Variants in DGKI observed in about 807,000 individuals in gnomAD.
DGKI encodes DAG kinase iota.
DGKI carries 55 observed loss-of-function variants against 147.5 expected under a neutral mutation model. That is an observed-to-expected ratio of 0.37 (90% CI 0.30 to 0.47). The LOEUF (loss-of-function observed/expected upper bound fraction) is 0.47, where lower values mean the gene tolerates loss of function less well. Among genes scored for constraint, DGKI ranks in the 20% least tolerant of loss-of-function variants. The pLI, the probability that DGKI is intolerant of heterozygous loss-of-function variation, is 1.00. For missense variants in DGKI, 1,007 were observed against 1,323.8 expected, an observed-to-expected ratio of 0.76 and a Z score of 3.71; for synonymous variants, 469 against 477.1, an observed-to-expected ratio of 0.98 and a Z score of 0.22.
At chr7:137,489,425 C>T (rs990814724) in intron 21 of DGKI, among the ~76,000 whole-genome samples, 4 of 152,066 alleles carry the variant, frequency 2.6e-5, no homozygotes, top group Non-Finnish European at 2.9e-5. Context: ...GAATATTTCT[C>T]CTCCTTTTAA....
At chr7:137,726,337 A>G (rs1196120092) in intron 1 of DGKI, among the ~76,000 whole-genome samples, 1 of 152,172 alleles carries the variant, frequency 6.6e-6, no homozygotes, top group Admixed American at 6.5e-5. Context: ...AGATTGCTGC[A>G]AATGCTTCTG....
intron 27 of DGKI, among the ~76,000 whole-genome samples, chr7:137,449,166 A>G (rs1563025376): frequency 6.6e-6 from 1 of 152,196 alleles, no homozygotes; most frequent in Non-Finnish European, 1.5e-5. Context: ...ACCACAGAAG[A>G]CCCTGAATAG....
rs527725003 is a variant in DGKI at position 137,526,013 on chromosome 7, G to A, written c.2148-4047C>T. ...CAGACAGCTAGAACATGGGGGAGTC[G>A]GGGGAAGTGCATAGAGATTAAATGA... On this transcript the variant is annotated intron_variant, in intron 20 of 32. Transcript: ENST00000614521. 2.1e-4 allele frequency among the ~76,000 whole-genome samples: 32 copies of A among 151,994 alleles called. No homozygotes were observed. The South Asian group carries it at 4.6e-3, about 22-fold the overall frequency.
At chr7:137,833,980 C>T (rs1010583193) in intron 1 of DGKI, among the ~76,000 whole-genome samples, 2 of 152,160 alleles carry the variant, frequency 1.3e-5, no homozygotes, top group South Asian at 2.1e-4. Flanking sequence ...CTGGCTCCAC[C>T]GTTGGCTGGT....
Position 137,487,686 on chromosome 7 carries a change from A to G in DGKI, c.2252T>C (p.Ile751Thr). ...YDKEKLREAS[I>T]PLGILVVRGD... ...ACGCACAACTAGAATACCCAGAGGT[A>G]TCGCTAAGGGTGAAGGAAGAAGAAA... The change falls in exon 22 of 33, where the codon ATA (isoleucine) becomes ACA (threonine). Residue 751 changes from isoleucine to threonine, a missense_variant. This residue lies in a region of DGKI where 385 missense variants were observed against 445.2 expected (regional missense o/e 0.86). Transcript: ENST00000614521. 6.2e-7 allele frequency: 1 copy of G among 1,613,582 alleles called. No individual in the cohort carries two copies. The highest frequency in any genetic ancestry group is 8.5e-7 in the Non-Finnish European group (1 of 1,179,588).
At chr7:137,794,682 C>A (rs1796969804) in intron 1 of DGKI, among the ~76,000 whole-genome samples, 1 of 152,190 alleles carries the variant, frequency 6.6e-6, no homozygotes, top group Admixed American at 6.5e-5. Flanking sequence ...TCTCAAGAGT[C>A]CCCAGTCAAT....
At chr7:137,649,024 C>A (rs1404535094) in intron 5 of DGKI, among the ~76,000 whole-genome samples, 1 of 152,040 alleles carries the variant, frequency 6.6e-6, no homozygotes, top group African/African-American at 2.4e-5. Context: ...TACAGCTCTG[C>A]GATTTGAGAT....
chr7:137,424,472 G>C (rs1812702823), intron 28 of DGKI, among the ~76,000 whole-genome samples: 1 of 152,160 alleles, frequency 6.6e-6, no homozygotes. Context: ...CAGAAGACGG[G>C]TGATTTCTGC....
At chr7:137,408,531 CGCAT>C (rs1563000380) in intron 29 of DGKI, among the ~76,000 whole-genome samples, 1 of 152,158 alleles carries the variant, frequency 6.6e-6, no homozygotes, top group East Asian at 1.9e-4. Context: ...CACATACACA[CGCAT>C]GCATGCATGC....
At chr7:137,397,720 A>T (rs1731946) in intron 30 of DGKI, among the ~76,000 whole-genome samples, 152,003 of 152,330 alleles carry the variant, frequency 1, 75,840 homozygotes, top group Non-Finnish European at 1. Flanking sequence ...AGTGGCTAAC[A>T]AGGGAGAAAG....
intron 30 of DGKI, among the ~76,000 whole-genome samples, chr7:137,398,068 A>T (rs1470908241): frequency 6.6e-6 from 1 of 152,166 alleles, no homozygotes; most frequent in East Asian, 1.9e-4. Context: ...TCTCCCTGCC[A>T]TCTCTTGCCC....
chr7:137,571,308 A>C, intron 18 of DGKI, 22 bp from the exon 19 acceptor site: 3 of 1,535,270 alleles, frequency 2.0e-6, no homozygotes, highest in Non-Finnish European at 2.7e-6. Flanking sequence ...GATTAAAGAC[A>C]GAAGTAAATA....
intron 3 of DGKI, among the ~76,000 whole-genome samples, chr7:137,674,490 C>T (rs570199477): frequency 6.6e-6 from 1 of 152,306 alleles, no homozygotes; most frequent in South Asian, 2.1e-4. Context: ...AATGTTACGG[C>T]ATCATTATTA....
intron 1 of DGKI, among the ~76,000 whole-genome samples, chr7:137,696,251 G>A (rs988645258): frequency 6.6e-6 from 1 of 151,972 alleles, no homozygotes; most frequent in Non-Finnish European, 1.5e-5. Context: ...ATAATTCCAC[G>A]GTTGCCAAAG....
At chr7:137,823,146 T>C (rs570291987) in intron 1 of DGKI, among the ~76,000 whole-genome samples, 1 of 151,830 alleles carries the variant, frequency 6.6e-6, no homozygotes, top group South Asian at 2.1e-4. Flanking sequence ...CCCATGAATA[T>C]ATGTACCTAT....
At chr7:137,659,498 CA>C (rs899352712) in intron 3 of DGKI, among the ~76,000 whole-genome samples, 4 of 152,110 alleles carry the variant, frequency 2.6e-5, no homozygotes, top group African/African-American at 7.2e-5. Context: ...TTTAAGTTCC[CA>C]GCTATACACA....
intron 1 of DGKI, among the ~76,000 whole-genome samples, chr7:137,788,306 C>A (rs1796735309): frequency 6.6e-6 from 1 of 152,102 alleles, no homozygotes; most frequent in South Asian, 2.1e-4. Context: ...TAAAACTCAT[C>A]ATGTCCCAAG....
chr7:137,738,845 A>T (rs1345918), intron 1 of DGKI, among the ~76,000 whole-genome samples: 74,778 of 151,552 alleles, frequency 0.49, 21,104 homozygotes, highest in African/African-American at 0.78. Context: ...GCCAAACCAG[A>T]ACACGCAGGT....
Position 137,565,083 on chromosome 7 carries a change from C to A in DGKI, c.1947+6092G>T, listed in dbSNP as rs528735420. Among the ~76,000 whole-genome samples, 16 of 152,130 alleles carry A rather than the reference C, an allele frequency of 1.1e-4. No homozygotes were observed. The South Asian group carries it at 3.3e-3, about 32-fold the overall frequency. ...TCATTGTAATTTCCTTAGGATTTGC[C>A]ATAAGAAAATAATTTGAAATGTGAA... On this transcript the variant is annotated intron_variant, in intron 19 of 32. Coordinates refer to ENST00000614521, the MANE Select transcript of DGKI (RefSeq NM_001321708.2).
Sources: gnomAD v4.1 joint callset for allele counts (sites outside exome capture counted in the v4.1 genomes callset) on GRCh38, gnomAD v4.1.1 for gene constraint, gnomAD v4.1.1 regional missense constraint, MANE v1.5 for transcripts, NCBI Gene and HGNC (gene_info 2026-07-23, HGNC 2026-07-21) for gene names.